Variants in NTN4 observed in about 807,000 individuals in gnomAD.
NTN4 encodes netrin 4.
Under a neutral mutation model 73.6 loss-of-function variants are expected in NTN4, and 32 were observed. The ratio of observed to expected loss-of-function variants is 0.44; its 90% CI spans 0.33 to 0.58. The LOEUF (loss-of-function observed/expected upper bound fraction) is 0.58, where lower values mean the gene tolerates loss of function less well. NTN4 is among the 20% of genes least tolerant of loss of function. The pLI, the probability that NTN4 is intolerant of heterozygous loss-of-function variation, is 0.04. For missense variants in NTN4, 654 were observed against 798.3 expected (o/e 0.82, Z 2.18); for synonymous variants, 258 against 287.5 (o/e 0.90, Z 1.04).
chr12:95,672,708 C>T, intron 7 of NTN4: 4 of 1,422,388 alleles, frequency 2.8e-6, no homozygotes, highest in Non-Finnish European at 4.0e-6. Flanking sequence ...TCTACAGCAA[C>T]ATCAGTAAGG....
intron 5 of NTN4, among the ~76,000 whole-genome samples, chr12:95,707,905 C>T (rs113170321): frequency 5.8e-4 from 88 of 152,218 alleles, no homozygotes; most frequent in Non-Finnish European, 1.0e-3. Context: ...CTTTTATCTG[C>T]TTAGTAGTTC....
At chr12:95,742,138 C>T (rs77649004) in intron 2 of NTN4, among the ~76,000 whole-genome samples, 35 of 152,106 alleles carry the variant, frequency 2.3e-4, no homozygotes, top group Middle Eastern at 6.8e-3. Flanking sequence ...AAGTCCTGAA[C>T]AGGTGAAAAT....
chr12:95,698,856 CA>C (rs34600316), intron 5 of NTN4, among the ~76,000 whole-genome samples: 5 of 147,708 alleles, frequency 3.4e-5, no homozygotes, highest in Non-Finnish European at 3.0e-5. Flanking sequence ...GACTCTGCCT[CA>C]AAAAAAAAAT....
chr12:95,682,706 C>T lies in NTN4; in HGVS notation c.1510+1G>A. The T allele has an allele frequency of 6.2e-7, 1 of 1,602,384 alleles. No individual in the cohort carries two copies. The highest frequency in any genetic ancestry group is 8.5e-7 in the Non-Finnish European group (1 of 1,169,612). On this transcript the variant is annotated splice_donor_variant, in intron 7 of 9. Transcript: ENST00000343702. LOFTEE classifies it high-confidence loss of function. Reference sequence around the variant, plus strand: ...ATGATGCCTGGTTACATCCATCTCACCTGAGTGTAGAAGTGCAGAAAACCC... The same window carrying T: ...ATGATGCCTGGTTACATCCATCTCATCTGAGTGTAGAAGTGCAGAAAACCC...
chr12:95,764,207 G>A (rs1158584543), intron 2 of NTN4, among the ~76,000 whole-genome samples: 3 of 152,230 alleles, frequency 2.0e-5, no homozygotes, highest in African/African-American at 7.2e-5. Context: ...AGCAGCTGAA[G>A]TGATGCAGGA....
Position 95,665,615 on chromosome 12 carries a change from A to G in NTN4, c.1750+195T>C, listed in dbSNP as rs1565876216. On this transcript the variant is annotated intron_variant, in intron 9 of 9. Transcript: ENST00000343702. Reference sequence around the variant, plus strand: ...CTGGATTTTAAAATATTAAACTTTTATAGAGCACATGGAAGAGAAATAATT... The same window carrying G: ...CTGGATTTTAAAATATTAAACTTTTGTAGAGCACATGGAAGAGAAATAATT... 7 of 447,328 alleles carry G rather than the reference A, an allele frequency of 1.6e-5. No individual in the cohort carries two copies. In the South Asian group the frequency reaches 3.4e-4, roughly 22 times the overall value. The allele number at this position is 447,328 out of a possible 1,614,324, so 27.7% of individuals were successfully genotyped here.
chr12:95,699,642 AG>A (rs957271898), intron 5 of NTN4, among the ~76,000 whole-genome samples: 4 of 151,888 alleles, frequency 2.6e-5, no homozygotes, highest in Admixed American at 6.6e-5. Flanking sequence ...AAAAAAAAAA[AG>A]ATCTGGATGA....
At chr12:95,748,657 G>T (rs2078880615) in intron 2 of NTN4, among the ~76,000 whole-genome samples, 1 of 152,008 alleles carries the variant, frequency 6.6e-6, no homozygotes, top group South Asian at 2.1e-4. Flanking sequence ...TTTTAGTGGA[G>T]CTGGGGTTTT....
chr12:95,733,216 C>T (rs2078751343), intron 3 of NTN4, among the ~76,000 whole-genome samples: 2 of 152,220 alleles, frequency 1.3e-5, no homozygotes, highest in African/African-American at 4.8e-5. Flanking sequence ...AAATCACCAG[C>T]TGCTAGGAAA....
intron 5 of NTN4, among the ~76,000 whole-genome samples, chr12:95,690,258 C>T (rs1352358351): frequency 1.3e-5 from 2 of 152,214 alleles, no homozygotes; most frequent in Non-Finnish European, 2.9e-5. Context: ...TACCCATTCA[C>T]TTACTCAACA....
At chr12:95,704,748 C>T (rs189211756) in intron 5 of NTN4, among the ~76,000 whole-genome samples, 37 of 152,154 alleles carry the variant, frequency 2.4e-4, no homozygotes, top group African/African-American at 8.2e-4. Flanking sequence ...AGTAAGGAAA[C>T]GTAAGCTAGG....
Position 95,710,566 on chromosome 12 carries a change from C to A in NTN4, c.1055G>T (p.Gly352Val), listed in dbSNP as rs1290112856. ...HFDVNVWEASGNRSGGVCDDC... is the reference protein window; with the variant it reads ...HFDVNVWEASVNRSGGVCDDC... Reference sequence around the variant, plus strand: ...ATCACAGACACCACCACTACGATTCCCTGATGCCTCCCACACATTAACGTC... The same window carrying A: ...ATCACAGACACCACCACTACGATTCACTGATGCCTCCCACACATTAACGTC... The change falls in exon 5 of 10, where the codon GGG (glycine) becomes GTG (valine). Residue 352 changes from glycine to valine, a missense_variant. Gly to Val is a moderately radical substitution (Grantham distance 109). Coordinates refer to ENST00000343702, the MANE Select transcript of NTN4 (RefSeq NM_021229.4). The A allele has an allele frequency of 1.2e-6, 2 of 1,614,060 alleles. No individual in the cohort carries two copies. The highest frequency in any genetic ancestry group is 1.7e-6 in the Non-Finnish European group (2 of 1,180,024).
rs899193522 is a variant in NTN4 at position 95,789,607 on chromosome 12, G to A, written c.55+648C>T. On this transcript the variant is annotated intron_variant, in intron 1 of 9. Coordinates refer to ENST00000343702, the MANE Select transcript of NTN4 (RefSeq NM_021229.4). The surrounding 1 kb of genome is among the most constrained non-coding windows in gnomAD (Gnocchi z 4.0). ...GGTTGTCCAGTTACCGAGCCAGGGA[G>A]CAGACCCGCCTCCGACCTCCCGCAG... is the stretch of plus-strand genomic sequence containing the variant. Among the ~76,000 whole-genome samples the A allele has an allele frequency of 5.3e-5, 8 of 152,164 alleles. No individual in the cohort carries two copies. The highest frequency in any genetic ancestry group is 1.9e-4 in the African/African-American group (8 of 41,426).
chr12:95,700,090 T>TG (rs1304648888), intron 5 of NTN4, among the ~76,000 whole-genome samples: 1 of 101,980 alleles, frequency 9.8e-6, no homozygotes, highest in Non-Finnish European at 2.0e-5. Flanking sequence ...ATTTTTTTTT[T>TG]TTTTTTTTTT....
chr12:95,746,784 A>C (rs2121203171), intron 2 of NTN4, among the ~76,000 whole-genome samples: 1 of 152,316 alleles, frequency 6.6e-6, no homozygotes, highest in South Asian at 2.1e-4. Context: ...CCTGCACTGC[A>C]GACTGGACAC....
rs56063223 is a variant in NTN4 at position 95,700,080 on chromosome 12, A to ATTTTTTTTTTT, written c.1180+10350_1180+10360dup. On this transcript the variant is annotated intron_variant, in intron 5 of 9. Transcript: ENST00000343702. ...AACAGTGTATTCTTCTAAAGTGAGGATTTTTTTTTTTTTTTTTTTTTTTTT... is the reference window on the plus strand; with the variant it reads ...AACAGTGTATTCTTCTAAAGTGAGGATTTTTTTTTTTTTTTTTTTTTTTTTTTTTTTTTTTT... 7.7e-4 allele frequency among the ~76,000 whole-genome samples: 32 copies of ATTTTTTTTTTT among 41,814 alleles called. 5 individuals carry two copies. The highest frequency in any genetic ancestry group is 1.3e-3 in the South Asian group (1 of 760). 27.4% of individuals were successfully genotyped at this position (41,814 alleles called of 152,430 possible).
intron 2 of NTN4, among the ~76,000 whole-genome samples, chr12:95,764,804 T>C (rs7300344): frequency 0.56 from 85,180 of 152,104 alleles, 24,130 homozygotes; most frequent in East Asian, 0.68. Context: ...TGTGAAAGTT[T>C]TGATTACAGT....
intron 2 of NTN4, among the ~76,000 whole-genome samples, chr12:95,785,830 G>C (rs1052686045): frequency 6.6e-6 from 1 of 152,224 alleles, no homozygotes; most frequent in Non-Finnish European, 1.5e-5. Context: ...GGTGATCCAT[G>C]TATTGGATAT....
chr12:95,750,867 C>T (rs1308456985), intron 2 of NTN4, among the ~76,000 whole-genome samples: 1 of 152,218 alleles, frequency 6.6e-6, no homozygotes, highest in Non-Finnish European at 1.5e-5. Context: ...CCTGGTCCGG[C>T]TTACAGTTTC....
Sources: allele counts gnomAD v4.1 joint callset (sites outside exome capture counted in the v4.1 genomes callset), GRCh38; gene constraint gnomAD v4.1.1; non-coding constraint Gnocchi (gnomAD v3.1); transcripts MANE v1.5; gene names NCBI Gene and HGNC (gene_info 2026-07-23, HGNC 2026-07-21).